RAB22A: variants seen among roughly 807,000 people sequenced by gnomAD.
The protein encoded by RAB22A is ras-related protein Rab-22A.
Under a neutral mutation model 30.2 loss-of-function variants are expected in RAB22A, and 13 were observed. The ratio of observed to expected loss-of-function variants is 0.43; its 90% CI spans 0.28 to 0.68. The LOEUF is 0.68. Among genes scored for constraint, RAB22A ranks in the 30% least tolerant of loss-of-function variants. The pLI is 0.18. For synonymous variants in RAB22A, 89 were observed against 87.2 expected, an observed-to-expected ratio of 1.02 and a Z score of -0.11; for missense variants, 177 against 246.8, an observed-to-expected ratio of 0.72 and a Z score of 1.89.
At chr20:58,334,747 T>G (rs1600731838) in intron 2 of RAB22A, among the ~76,000 whole-genome samples, 2 of 142,900 alleles carry the variant, frequency 1.4e-5, no homozygotes, top group South Asian at 4.4e-4. Flanking sequence ...TTTTTTTTTT[T>G]GGCCTTATTG....
chr20:58,312,183 A>G (rs6070422), intron 2 of RAB22A, among the ~76,000 whole-genome samples: 151,991 of 152,196 alleles, frequency 1, 75,894 homozygotes, highest in East Asian at 1. Context: ...TCGAACTCCT[A>G]ACCTCAGGTG....
At chr20:58,345,878 C>A (rs1986936629) in intron 3 of RAB22A, 1 of 152,398 alleles carries the variant, frequency 6.6e-6, no homozygotes, top group South Asian at 2.1e-4. Context: ...CTCCAGCATG[C>A]CATAGTTTCA....
rs1987282866 is a variant in RAB22A, at chr20:58,364,605, T to C, written c.*4902T>C. 1 of 152,222 alleles carries C rather than the reference T, an allele frequency of 6.6e-6. No homozygotes were observed. The highest frequency in any genetic ancestry group is 2.4e-5 in the African/African-American group (1 of 41,452). The allele number at this position is 152,222 out of a possible 1,614,324, so 9.4% of individuals were successfully genotyped here. ...TTTACTGCAAGTTCATTTTTAGATC[T>C]GTATGGTGCCCAGTACTCCACAAAA... On this transcript the variant is annotated 3_prime_UTR_variant, in exon 7 of 7. Coordinates refer to ENST00000244040, the MANE Select transcript of RAB22A (RefSeq NM_020673.3).
At chr20:58,358,553 A>C (rs1987171974) in intron 6 of RAB22A, among the ~76,000 whole-genome samples, 1 of 152,198 alleles carries the variant, frequency 6.6e-6, no homozygotes, top group South Asian at 2.1e-4. Flanking sequence ...AGAAATGGTT[A>C]AATGAATGGT....
At chr20:58,338,057 G>A (rs1039036123) in intron 2 of RAB22A, among the ~76,000 whole-genome samples, 11 of 151,224 alleles carry the variant, frequency 7.3e-5, no homozygotes, top group Non-Finnish European at 1.5e-5. Flanking sequence ...GACGGATCTC[G>A]CTCTTGTCGC....
At chr20:58,314,902 G>A (rs536881452) in intron 2 of RAB22A, among the ~76,000 whole-genome samples, 16 of 152,202 alleles carry the variant, frequency 1.1e-4, no homozygotes, top group African/African-American at 3.6e-4. Flanking sequence ...TGGTGGTGGT[G>A]AGGGACGGTG....
chr20:58,350,924 A>G (rs977516364), intron 3 of RAB22A, among the ~76,000 whole-genome samples: 2 of 152,232 alleles, frequency 1.3e-5, no homozygotes, highest in Non-Finnish European at 2.9e-5. Flanking sequence ...TATAGCATAT[A>G]TAGATTTAGA....
intron 3 of RAB22A, among the ~76,000 whole-genome samples, chr20:58,350,740 A>G (rs1360036165): frequency 6.6e-6 from 1 of 152,248 alleles, no homozygotes; most frequent in Non-Finnish European, 1.5e-5. Flanking sequence ...AGAAATCAAC[A>G]GCAGCTGTCC....
At chr20:58,323,780 C>G (rs1986504831) in intron 2 of RAB22A, among the ~76,000 whole-genome samples, 1 of 151,610 alleles carries the variant, frequency 6.6e-6, no homozygotes, top group South Asian at 2.1e-4. Context: ...GCAGAAGCAC[C>G]TTTATTTTGT....
Position 58,354,232 on chromosome 20 carries a change from G to A in RAB22A, c.454G>A (p.Ala152Thr), listed in dbSNP as rs774161465. Reference sequence around the variant, plus strand: ...TTTTGTAGAGACCAGCGCAAAAAACGCGATAAACATAAATGAACTCTTTAT... The same window carrying A: ...TTTTGTAGAGACCAGCGCAAAAAACACGATAAACATAAATGAACTCTTTAT... ...AIFVETSAKN[A>T]ININELFIEI... is the part of the protein sequence containing the mutation. Residue 152 changes from alanine to threonine, a missense_variant, in exon 6 of 7, where the codon GCG (alanine) becomes ACG (threonine). Transcript: ENST00000244040. The A allele has an allele frequency of 3.9e-5, 63 of 1,613,430 alleles. No homozygotes were observed. Among genetic ancestry groups the A allele is most frequent in the Non-Finnish European group, 5.0e-5 (59 of 1,179,636 alleles).
intron 2 of RAB22A, among the ~76,000 whole-genome samples, chr20:58,316,715 C>T (rs1986347253): frequency 6.6e-6 from 1 of 152,190 alleles, no homozygotes; most frequent in South Asian, 2.1e-4. Flanking sequence ...ACCATAGAGC[C>T]TGTGCCCACA....
At chr20:58,345,961 C>G (rs935455240) in intron 3 of RAB22A, 5 of 152,532 alleles carry the variant, frequency 3.3e-5, no homozygotes, top group Non-Finnish European at 7.3e-5. Flanking sequence ...GGGGGCTTTC[C>G]TGCCATCCCT....
chr20:58,315,234 C>T (rs549288842), intron 2 of RAB22A, among the ~76,000 whole-genome samples: 5 of 152,186 alleles, frequency 3.3e-5, no homozygotes, highest in Admixed American at 6.5e-5. Flanking sequence ...TTGATAAAAG[C>T]TGGTCTTCCC....
chr20:58,316,078 T>C (rs73915828), intron 2 of RAB22A, among the ~76,000 whole-genome samples: 307 of 152,296 alleles, frequency 2.0e-3, no homozygotes, highest in African/African-American at 7.2e-3. Context: ...GGGCCCTTTC[T>C]TTTCCTTGTC....
chr20:58,330,134 A>G (rs1385109886), intron 2 of RAB22A, among the ~76,000 whole-genome samples: 1 of 152,316 alleles, frequency 6.6e-6, no homozygotes, highest in Middle Eastern at 3.4e-3. Context: ...TGCAAATGCT[A>G]TATCATTTTA....
chr20:58,334,030 T>A (rs1053172776), intron 2 of RAB22A, among the ~76,000 whole-genome samples: 1 of 151,748 alleles, frequency 6.6e-6, no homozygotes, highest in Non-Finnish European at 1.5e-5. Flanking sequence ...TACACTTCTT[T>A]AAAAAAAAAT....
chr20:58,354,845 G>A (rs141681459), intron 6 of RAB22A, among the ~76,000 whole-genome samples: 3 of 152,200 alleles, frequency 2.0e-5, no homozygotes, highest in African/African-American at 4.8e-5. Context: ...GGAAATAGCC[G>A]TGAAGAAGAT....
intron 3 of RAB22A, among the ~76,000 whole-genome samples, chr20:58,349,756 G>A (rs977850110): frequency 6.6e-6 from 1 of 152,166 alleles, no homozygotes; most frequent in African/African-American, 2.4e-5. Flanking sequence ...CTCAGGATGA[G>A]TCACCAGTAA....
chr20:58,334,594 G>C (rs1265196196), intron 2 of RAB22A, among the ~76,000 whole-genome samples: 1 of 151,850 alleles, frequency 6.6e-6, no homozygotes, highest in East Asian at 1.9e-4. Flanking sequence ...AAACCTTCTG[G>C]TCATTGGAGA....
Sources: allele counts gnomAD v4.1 joint callset (sites outside exome capture counted in the v4.1 genomes callset), GRCh38; gene constraint gnomAD v4.1.1; transcripts MANE v1.5; gene names NCBI Gene and HGNC (gene_info 2026-07-23, HGNC 2026-07-21).